The following RELN variants were observed in gnomAD, a reference collection of about 807,000 sequenced individuals.
RELN encodes reelin.
RELN carries 108 observed loss-of-function variants against 427.6 expected under a neutral mutation model. The observed-to-expected ratio is 0.25, with a 90% confidence interval of 0.22 to 0.30. The LOEUF (loss-of-function observed/expected upper bound fraction) is 0.30. Among genes scored for constraint, RELN ranks in the 10% least tolerant of loss-of-function variants. The pLI, the probability that RELN is intolerant of heterozygous loss-of-function variation, is 1.00. For missense variants in RELN, 3,715 were observed against 4,302.8 expected (o/e 0.86, Z 3.82); for synonymous variants, 1,524 against 1,513.4 (o/e 1.01, Z -0.16).
chr7:103,702,572 CTT>C, intron 8 of RELN, among the ~76,000 whole-genome samples: 1 of 152,216 alleles, frequency 6.6e-6, no homozygotes, highest in East Asian at 1.9e-4. Context: ...TACGACTTCT[CTT>C]GTCTATTTTC....
intron 36 of RELN, among the ~76,000 whole-genome samples, chr7:103,561,035 T>C (rs1258425294): frequency 6.6e-6 from 1 of 152,178 alleles, no homozygotes; most frequent in Admixed American, 6.5e-5. Flanking sequence ...CTTAACATTC[T>C]CTCTAACCAG....
intron 20 of RELN, among the ~76,000 whole-genome samples, chr7:103,621,977 C>T (rs1427154197): frequency 6.6e-6 from 1 of 152,294 alleles, no homozygotes; most frequent in East Asian, 1.9e-4. Flanking sequence ...GATCGTGACA[C>T]TGCACTCCAG....
intron 2 of RELN, among the ~76,000 whole-genome samples, chr7:103,882,609 A>G (rs1375117112): frequency 6.6e-6 from 1 of 152,166 alleles, no homozygotes; most frequent in Non-Finnish European, 1.5e-5. Context: ...TAAAGGAGAG[A>G]TCACCACTGA....
chr7:103,703,245 T>C (rs1339747512), intron 8 of RELN, among the ~76,000 whole-genome samples: 2 of 152,156 alleles, frequency 1.3e-5, no homozygotes, highest in African/African-American at 4.8e-5. Flanking sequence ...CTTCCAAACA[T>C]ACCAGACCAG....
intron 11 of RELN, among the ~76,000 whole-genome samples, chr7:103,664,300 T>C (rs1419912181): frequency 1.2e-4 from 19 of 152,218 alleles, no homozygotes; most frequent in African/African-American, 3.9e-4. Context: ...TACATATGCA[T>C]GTGGGAATTT....
At chr7:103,947,377 A>C (rs926017584) in intron 1 of RELN, among the ~76,000 whole-genome samples, 9 of 152,220 alleles carry the variant, frequency 5.9e-5, no homozygotes, top group Non-Finnish European at 1.3e-4. Context: ...TAAACACGTT[A>C]AAGTGAGATC....
rs11289934 is a variant in RELN, at chr7:103,498,498, A to AT, written c.8668-247dup. Among the ~76,000 whole-genome samples the AT allele has an allele frequency of 0.018, 2,745 of 150,122 alleles. 62 individuals carry two copies. Among genetic ancestry groups the AT allele is most frequent in the African/African-American group, 0.049 (2,027 of 41,074 alleles). Reference sequence around the variant, plus strand: ...AATAATTGTAAAGTTGACTATATCAATTTTTTTTTTTGAGACGAAGTCTTG... The same window carrying AT: ...AATAATTGTAAAGTTGACTATATCAATTTTTTTTTTTTGAGACGAAGTCTTG... On this transcript the variant is annotated intron_variant, in intron 53 of 64. Transcript: ENST00000428762.
chr7:103,474,474 C>T (rs907083921), intron 64 of RELN, among the ~76,000 whole-genome samples: 2 of 151,906 alleles, frequency 1.3e-5, no homozygotes, highest in African/African-American at 2.4e-5. Flanking sequence ...TATCCTCCCC[C>T]TCCCATCCCC....
chr7:103,567,791 T>TTATA (rs969373146), intron 31 of RELN, among the ~76,000 whole-genome samples: 33 of 148,368 alleles, frequency 2.2e-4, no homozygotes, highest in Admixed American at 2.0e-3. Flanking sequence ...TATATATATT[T>TTATA]TATATATATA....
intron 3 of RELN, among the ~76,000 whole-genome samples, chr7:103,820,986 T>TA (rs919049566): frequency 7.2e-5 from 11 of 152,204 alleles, no homozygotes; most frequent in East Asian, 1.9e-4. Flanking sequence ...ACTTATTTGT[T>TA]AAAAAAAGTC....
intron 2 of RELN, among the ~76,000 whole-genome samples, chr7:103,879,080 C>T (rs1476958168): frequency 6.6e-6 from 1 of 152,188 alleles, no homozygotes; most frequent in East Asian, 1.9e-4. Flanking sequence ...TTAACTACAT[C>T]CTCTTCAGAC....
Position 103,556,992 on chromosome 7 carries a change from G to C in RELN, c.5782C>G (p.Gln1928Glu). 1 of 1,612,144 alleles carries C rather than the reference G, an allele frequency of 6.2e-7. No individual in the cohort carries two copies. The highest frequency in any genetic ancestry group is 8.5e-7 in the Non-Finnish European group (1 of 1,178,150). ...QTNATRFRLW[Q>E]PYNNGKKEEI... ...GCATTTTTACCGTTATTATAAGGTT[G>C]CCAGAGTCTGAATCTTGTAGCATTG... is the stretch of plus-strand genomic sequence containing the variant. Residue 1928 changes from glutamine (Q) to glutamate (E), a missense_variant, in exon 38 of 65, where the codon CAA becomes GAA. Physicochemically the swap from Gln to Glu is conservative, Grantham distance 29. Transcript: ENST00000428762.
At chr7:103,756,617 A>C (rs533322247) in intron 4 of RELN, among the ~76,000 whole-genome samples, 38 of 152,314 alleles carry the variant, frequency 2.5e-4, no homozygotes, top group African/African-American at 8.9e-4. Context: ...ACCTTTAAAA[A>C]ATGCCAGAAT....
intron 4 of RELN, among the ~76,000 whole-genome samples, chr7:103,775,878 C>T (rs1791725870): frequency 6.6e-6 from 1 of 152,188 alleles, no homozygotes; most frequent in Non-Finnish European, 1.5e-5. Context: ...TCTAGGGCAA[C>T]ATCCACCCCT....
chr7:103,711,431 GA>G (rs1259464231), intron 8 of RELN, among the ~76,000 whole-genome samples: 1 of 152,112 alleles, frequency 6.6e-6, no homozygotes, highest in Non-Finnish European at 1.5e-5. Context: ...CAGAGCAAGG[GA>G]ATCCAGAATA....
intron 2 of RELN, among the ~76,000 whole-genome samples, chr7:103,891,817 T>C (rs567122801): frequency 7.2e-5 from 11 of 152,330 alleles, no homozygotes; most frequent in Non-Finnish European, 1.2e-4. Context: ...TTAAATTCCA[T>C]TCCTAATACC....
chr7:103,478,152 T>C (rs1828101035), intron 64 of RELN, among the ~76,000 whole-genome samples: 1 of 152,214 alleles, frequency 6.6e-6, no homozygotes, highest in Non-Finnish European at 1.5e-5. Context: ...CTCTGGTCTA[T>C]GCTGTTGTGC....
rs569820077 is a variant in RELN, at chr7:103,676,063, C to G, written c.1289+6053G>C. Among the ~76,000 whole-genome samples, 3 of 152,254 alleles carry G rather than the reference C, an allele frequency of 2.0e-5. No homozygotes were observed. In the East Asian group the frequency reaches 5.8e-4, roughly 29 times the overall value. On this transcript the variant is annotated intron_variant, in intron 11 of 64. Coordinates refer to ENST00000428762, the MANE Select transcript of RELN (RefSeq NM_005045.4). ...GGGATCTAATTAAACTAAAGAGTTT[C>G]TGCACAACAAAAGAAACTACCATCA... is the stretch of plus-strand genomic sequence containing the variant.
At position 103,968,624 on chromosome 7, in the gene RELN, C is replaced by T. The variant is rs1371783262; in HGVS notation, c.226+20507G>A. On this transcript the variant is annotated intron_variant, in intron 1 of 64. Transcript: ENST00000428762. This position sits in a 1 kb window ranked among gnomAD's most constrained non-coding sequence, Gnocchi z 4.3. ...CCTTATTCAAATCTAATCTAACCAT[C>T]TAGTAATTCTTTTCACTAAGCTATT... is the stretch of plus-strand genomic sequence containing the variant. Among the ~76,000 whole-genome samples the T allele has an allele frequency of 6.6e-6, 1 of 152,220 alleles. No homozygotes were observed. Among genetic ancestry groups the T allele is most frequent in the East Asian group, 1.9e-4 (1 of 5,186 alleles).
Sources: gnomAD v4.1 joint callset for allele counts (sites outside exome capture counted in the v4.1 genomes callset) on GRCh38, gnomAD v4.1.1 for gene constraint, Gnocchi (gnomAD v3.1) non-coding constraint, MANE v1.5 for transcripts, NCBI Gene and HGNC (gene_info 2026-07-23, HGNC 2026-07-21) for gene names.